The following IL1RL1 variants were observed in gnomAD, a reference collection of about 807,000 sequenced individuals.
IL1RL1 encodes the protein interleukin 1 receptor like 1.
A neutral mutation model predicts 50.9 loss-of-function variants in IL1RL1; 32 were observed. The ratio of observed to expected loss-of-function variants is 0.63; its 90% confidence interval spans 0.47 to 0.84. IL1RL1 has a LOEUF of 0.84. Among genes scored for constraint, IL1RL1 ranks in the 40% least tolerant of loss-of-function variants. The pLI, the probability that IL1RL1 is intolerant of heterozygous loss-of-function variation, is 0.00. For missense variants in IL1RL1, 773 were observed against 662.9 expected (o/e 1.17, Z -1.82); for synonymous variants, 275 against 236.0 (o/e 1.17, Z -1.51).
chr2:102,333,709 A>T (rs1677234328), intron 1 of IL1RL1, among the ~76,000 whole-genome samples: 1 of 152,134 alleles, frequency 6.6e-6, no homozygotes, highest in Admixed American at 6.5e-5. Context: ...TATTGTACCC[A>T]GTAGGTAATT....
In IL1RL1 at chr2:102,349,605, G is replaced by C. The variant is rs374212111; in HGVS notation, c.1285+359G>C. ...TTTGAAAGAGGACTTAAAAATTGATGAGTTTTGTTCTGGTAGCCATAGGCA... is the reference window on the plus strand; with the variant it reads ...TTTGAAAGAGGACTTAAAAATTGATCAGTTTTGTTCTGGTAGCCATAGGCA... On this transcript the variant is annotated intron_variant, in intron 10 of 10. Transcript: ENST00000233954. Among the ~76,000 whole-genome samples, 41 of 152,248 alleles carry C rather than the reference G, an allele frequency of 2.7e-4. No homozygotes were observed. The South Asian group carries it at 7.1e-3, about 26-fold the overall frequency.
intron 1 of IL1RL1, among the ~76,000 whole-genome samples, chr2:102,322,440 T>C (rs1226633563): frequency 6.6e-6 from 1 of 152,218 alleles, no homozygotes; most frequent in East Asian, 1.9e-4. Flanking sequence ...CAACTTGTTC[T>C]ATGAATAATT....
intron 5 of IL1RL1, among the ~76,000 whole-genome samples, chr2:102,341,981 G>A (rs1307643575): frequency 6.6e-6 from 1 of 151,840 alleles, no homozygotes; most frequent in Non-Finnish European, 1.5e-5. Context: ...TGATATCAGA[G>A]AATAATGATA....
intron 1 of IL1RL1, among the ~76,000 whole-genome samples, chr2:102,315,064 A>AT (rs1676637606): frequency 6.6e-6 from 1 of 151,992 alleles, no homozygotes; most frequent in Admixed American, 6.6e-5. Flanking sequence ...TTTTTCCCTA[A>AT]TTAGGATTCC....
chr2:102,344,917 T>C (rs888775715), intron 8 of IL1RL1: 2 of 968,974 alleles, frequency 2.1e-6, no homozygotes, highest in East Asian at 1.1e-4. Flanking sequence ...GATATCATTA[T>C]AATTTGACAC....
chr2:102,339,892 T>C (rs1677474582), intron 3 of IL1RL1, among the ~76,000 whole-genome samples: 1 of 152,220 alleles, frequency 6.6e-6, no homozygotes, highest in African/African-American at 2.4e-5. Flanking sequence ...TTGTTAGGGC[T>C]ACTATGGGGG....
At chr2:102,351,486 T>G in intron 10 of IL1RL1, 50 bp from the exon 11 acceptor site, 1 of 1,501,544 alleles carries the variant, frequency 6.7e-7, no homozygotes, top group Non-Finnish European at 9.1e-7. Flanking sequence ...GATGTTTATG[T>G]TTAAAGCATT....
chr2:102,351,384 C>A (rs11123923), intron 10 of IL1RL1, 152 bp from the exon 11 acceptor site: 242,606 of 665,636 alleles, frequency 0.36, 46,398 homozygotes, highest in Middle Eastern at 0.48. Context: ...AACGGGTTCT[C>A]TATCCACACA....
At chr2:102,317,228 C>CCTA (rs1475117902) in intron 1 of IL1RL1, among the ~76,000 whole-genome samples, 2 of 152,040 alleles carry the variant, frequency 1.3e-5, no homozygotes, top group Non-Finnish European at 2.9e-5. Flanking sequence ...GTGGTGGGCG[C>CCTA]CTGTAGTCCC....
In IL1RL1 at chr2:102,339,008, C is replaced by A. The variant is rs1041973; in HGVS notation, c.233C>A (p.Ala78Glu). ...SGQLLKFLPAAVADSGIYTCI... is the reference protein window; with the variant it reads ...SGQLLKFLPAEVADSGIYTCI... ...CAACTTCTGAAGTTTCTACCAGCTG[C>A]AGTTGCTGATTCTGGTATTTATACC... The change falls in exon 3 of 11, where the codon GCA becomes GAA. Residue 78 changes from alanine to glutamate, a missense_variant. Ala to Glu is a moderately radical substitution (Grantham distance 107). Transcript: ENST00000233954. 381,481 of 1,612,426 alleles carry A rather than the reference C, an allele frequency of 0.24. 49,736 individuals carry two copies. The highest frequency in any genetic ancestry group is 0.48 in the African/African-American group (36,252 of 74,864).
At chr2:102,345,717 A>T (rs1177893580) in intron 8 of IL1RL1, 1 of 985,366 alleles carries the variant, frequency 1.0e-6, no homozygotes, top group Non-Finnish European at 1.2e-6. Flanking sequence ...CAGAATCATA[A>T]CTCATGTAGA....
At chr2:102,333,057 G>A (rs751412172) in intron 1 of IL1RL1, among the ~76,000 whole-genome samples, 1 of 152,120 alleles carries the variant, frequency 6.6e-6, no homozygotes, top group Non-Finnish European at 1.5e-5. Flanking sequence ...GTGATTGGTG[G>A]TGTTCCATCG....
intron 1 of IL1RL1, among the ~76,000 whole-genome samples, chr2:102,325,291 C>T (rs541879449): frequency 6.6e-6 from 1 of 152,280 alleles, no homozygotes; most frequent in South Asian, 2.1e-4. Flanking sequence ...AGCTGAGGGT[C>T]CTGACAGTTA....
intron 1 of IL1RL1, among the ~76,000 whole-genome samples, chr2:102,311,832 ATT>A (rs1676483191): frequency 1.1e-5 from 1 of 92,612 alleles, no homozygotes; most frequent in Non-Finnish European, 2.0e-5. Context: ...TATAATATAT[ATT>A]ATATAATTGT....
chr2:102,349,261 A>C lies in IL1RL1; in HGVS notation c.1285+15A>C, dbSNP rs753220462. ...ACCTGGAGAAGGTAAAGCTATTGAC[A>C]TACATTAGGGACAGAAATTCATGCT... On this transcript the variant is annotated intron_variant, in intron 10 of 10. Transcript: ENST00000233954. The C allele has an allele frequency of 9.9e-6, 16 of 1,608,460 alleles. No homozygotes were observed. The Admixed American group carries it at 2.7e-4, about 27-fold the overall frequency.
intron 1 of IL1RL1, among the ~76,000 whole-genome samples, chr2:102,325,626 A>C (rs1302811826): frequency 1.3e-5 from 2 of 152,250 alleles, no homozygotes; most frequent in African/African-American, 4.8e-5. Context: ...TGAATGGCTA[A>C]CTAGAATAAC....
In IL1RL1 at chr2:102,343,098, G is replaced by T. The variant is rs146105446; in HGVS notation, c.745G>T (p.Val249Phe). The T allele has an allele frequency of 6.7e-5, 108 of 1,613,898 alleles. No homozygotes were observed. In the African/African-American group the frequency reaches 1.3e-3, roughly 19 times the overall value. ...AAAAGGCACTCAGTTCTTGGCTGCC[G>T]TCCTGTGGCAGCTTAATGGAACAAA... ...FGKGTQFLAA[V>F]LWQLNGTKIT... Residue 249 changes from valine (V) to phenylalanine (F), a missense_variant, in exon 7 of 11, where the codon GTC becomes TTC. Coordinates refer to ENST00000233954, the MANE Select transcript of IL1RL1 (RefSeq NM_016232.5).
At chr2:102,328,298 T>C (rs538866850) in intron 1 of IL1RL1, among the ~76,000 whole-genome samples, 1 of 152,170 alleles carries the variant, frequency 6.6e-6, no homozygotes, top group African/African-American at 2.4e-5. Flanking sequence ...TTTGACAAAA[T>C]TCAACAACCC....
At chr2:102,349,043 C>G in intron 9 of IL1RL1, 36 bp from the exon 10 acceptor site, 1 of 1,542,990 alleles carries the variant, frequency 6.5e-7, no homozygotes, top group South Asian at 1.1e-5. Flanking sequence ...TTTTTAGAAT[C>G]AAGTAAGAAG....
Sources: allele counts gnomAD v4.1 joint callset (sites outside exome capture counted in the v4.1 genomes callset), GRCh38; gene constraint gnomAD v4.1.1; transcripts MANE v1.5; gene names NCBI Gene and HGNC (gene_info 2026-07-23, HGNC 2026-07-21).